Variants in USP34 observed in about 807,000 individuals in gnomAD.
USP34 encodes ubiquitin specific peptidase 34.
A neutral mutation model predicts 460.3 loss-of-function variants in USP34; 70 were observed. The observed-to-expected ratio is 0.15, with a 90% CI of 0.13 to 0.19. The LOEUF is 0.19. USP34 is among the 10% of genes least tolerant of loss of function. The pLI is 1.00. For missense variants in USP34, 3,985 were observed against 4,236.2 expected (o/e 0.94, Z 1.65); for synonymous variants, 1,647 against 1,405.3 (o/e 1.17, Z -3.85).
chr2:61,203,052 G>A (rs1687020341), intron 75 of USP34, 88 bp downstream of exon 75: 1 of 1,305,838 alleles, frequency 7.7e-7, no homozygotes, highest in Non-Finnish European at 1.0e-6. Flanking sequence ...AAGAAAAAAA[G>A]GATTGTCTCA....
At chr2:61,325,173 A>G (rs572364221) in intron 21 of USP34, among the ~76,000 whole-genome samples, 2 of 152,234 alleles carry the variant, frequency 1.3e-5, no homozygotes, top group Admixed American at 6.5e-5. Context: ...TAATGGGTAC[A>G]CAAGAAGCCC....
At chr2:61,283,491 A>T (rs781608493) in intron 35 of USP34, 42 bp from the exon 36 acceptor site, 23 of 1,568,100 alleles carry the variant, frequency 1.5e-5, no homozygotes, top group Admixed American at 2.0e-5. Context: ...AAATTCAGCA[A>T]TGAATTAAAA....
chr2:61,273,088 A>G (rs1376483455), intron 41 of USP34, among the ~76,000 whole-genome samples: 3 of 152,228 alleles, frequency 2.0e-5, no homozygotes, highest in Non-Finnish European at 4.4e-5. Context: ...GTTAAAAAAC[A>G]TAAGCAATGA....
At chr2:61,352,680 T>TA (rs35329949) in intron 10 of USP34, among the ~76,000 whole-genome samples, 69 of 141,672 alleles carry the variant, frequency 4.9e-4, no homozygotes, top group African/African-American at 9.2e-4. Flanking sequence ...TAACTGAGAT[T>TA]AAAAAAAAAA....
chr2:61,428,179 A>C (rs1282021512), intron 1 of USP34, among the ~76,000 whole-genome samples: 1 of 151,756 alleles, frequency 6.6e-6, no homozygotes, highest in East Asian at 1.9e-4. Flanking sequence ...AAAAAAAAAA[A>C]AACTTCCAAA....
Position 61,435,884 on chromosome 2 carries a change from C to T in USP34, c.44-15051G>A, listed in dbSNP as rs375553403. Among the ~76,000 whole-genome samples the T allele has an allele frequency of 6.6e-4, 101 of 151,980 alleles. 1 individual carries two copies. Among genetic ancestry groups the T allele is most frequent in the African/African-American group, 2.0e-3 (83 of 41,426 alleles). On this transcript the variant is annotated intron_variant, in intron 1 of 79. Transcript: ENST00000398571. Reference sequence around the variant, plus strand: ...TCTCTACTAAAATACAAAAATGAGCCGGGCATGGTGGAGTGCGCCTGTAAT... The same window carrying T: ...TCTCTACTAAAATACAAAAATGAGCTGGGCATGGTGGAGTGCGCCTGTAAT...
chr2:61,341,030 G>A (rs976432901), intron 16 of USP34, among the ~76,000 whole-genome samples: 3 of 152,122 alleles, frequency 2.0e-5, no homozygotes, highest in African/African-American at 7.2e-5. Flanking sequence ...TGATTGAGGA[G>A]CTTTCTTTCC....
chr2:61,422,934 A>G (rs1194936363), intron 1 of USP34, among the ~76,000 whole-genome samples: 1 of 152,214 alleles, frequency 6.6e-6, no homozygotes, highest in Non-Finnish European at 1.5e-5. Flanking sequence ...TGGAAGGTTA[A>G]GGCTGAAGTG....
At chr2:61,391,934 A>C (rs1255367005) in intron 5 of USP34, among the ~76,000 whole-genome samples, 1 of 152,202 alleles carries the variant, frequency 6.6e-6, no homozygotes, top group Non-Finnish European at 1.5e-5. Flanking sequence ...CAGATTATAT[A>C]GTATTATAGT....
intron 41 of USP34, among the ~76,000 whole-genome samples, chr2:61,268,724 A>G (rs1572887308): frequency 6.6e-6 from 1 of 152,264 alleles, no homozygotes; most frequent in East Asian, 1.9e-4. Context: ...AACATTATGT[A>G]AATAAGGTTT....
rs1248175339 is a variant in USP34, at chr2:61,257,356, A to G, written c.5845-6T>C. On this transcript the variant is annotated splice_region_variant and splice_polypyrimidine_tract_variant and intron_variant, in intron 44 of 79. Transcript: ENST00000398571. ...TATGCTTTGCATTCACTCTCCTGCA[A>G]ATAAAAAGGGGAACATTCTAAGTGT... 1 of 1,563,686 alleles carries G rather than the reference A, an allele frequency of 6.4e-7. No homozygotes were observed. The highest frequency in any genetic ancestry group is 1.9e-5 in the Admixed American group (1 of 51,550).
intron 1 of USP34, among the ~76,000 whole-genome samples, chr2:61,426,235 T>C (rs939593701): frequency 5.3e-5 from 8 of 152,072 alleles, no homozygotes; most frequent in African/African-American, 1.2e-4. Flanking sequence ...AAAGAGAACT[T>C]TGTCTTACAG....
intron 5 of USP34, among the ~76,000 whole-genome samples, chr2:61,393,855 G>A (rs1312189903): frequency 5.3e-5 from 8 of 151,788 alleles, no homozygotes; most frequent in Non-Finnish European, 7.4e-5. Flanking sequence ...CTTTCTTTCC[G>A]GGCCGGGCAC....
At chr2:61,312,397 A>G (rs1690620784) in intron 25 of USP34, among the ~76,000 whole-genome samples, 1 of 152,072 alleles carries the variant, frequency 6.6e-6, no homozygotes, top group Admixed American at 6.6e-5. Context: ...TTATAAAGTG[A>G]ATTACAAAGA....
At chr2:61,386,436 A>G (rs1693146932) in intron 5 of USP34, among the ~76,000 whole-genome samples, 1 of 152,176 alleles carries the variant, frequency 6.6e-6, no homozygotes, top group Non-Finnish European at 1.5e-5. Context: ...CAAAATATGA[A>G]AGGTAAAGCA....
chr2:61,295,031 C>T lies in USP34; in HGVS notation c.4379G>A (p.Gly1460Glu). ...ATCTGGATAAAGATCACTGTAACTTCCCTATGAGAAAGGCAAAAAAAGTAA... is the reference window on the plus strand; with the variant it reads ...ATCTGGATAAAGATCACTGTAACTTTCCTATGAGAAAGGCAAAAAAAGTAA... ...PNRRIRREST[G>E]SYSDLYPDSD... The change falls in exon 32 of 80, where the codon GGA (glycine) becomes GAA (glutamate). Residue 1460 changes from glycine to glutamate, a missense_variant and splice_region_variant. By Grantham distance (98) the Gly-to-Glu change is moderately conservative. Around this residue, in one of 14 missense-constraint regions of USP34, gnomAD observed 1,114 missense variants for 1,122.5 expected, o/e 0.99. Coordinates refer to ENST00000398571, the MANE Select transcript of USP34 (RefSeq NM_014709.4). 2 of 1,610,310 alleles carry T rather than the reference C, an allele frequency of 1.2e-6. No individual in the cohort carries two copies. The highest frequency in any genetic ancestry group is 2.2e-5 in the East Asian group (1 of 44,744).
At chr2:61,279,898 C>T (rs904023255) in intron 39 of USP34, among the ~76,000 whole-genome samples, 2 of 152,100 alleles carry the variant, frequency 1.3e-5, no homozygotes, top group African/African-American at 2.4e-5. Flanking sequence ...TTTTATTTTA[C>T]GTATTTGGGA....
intron 10 of USP34, among the ~76,000 whole-genome samples, chr2:61,366,837 C>T (rs1354472514): frequency 2.0e-5 from 3 of 152,116 alleles, no homozygotes; most frequent in Non-Finnish European, 4.4e-5. Context: ...CGCTTGAGCT[C>T]AGGAGTTCGA....
chr2:61,448,024 A>C (rs1695168783), intron 1 of USP34, among the ~76,000 whole-genome samples: 1 of 152,234 alleles, frequency 6.6e-6, no homozygotes, highest in Non-Finnish European at 1.5e-5. Context: ...AAATTTAATA[A>C]AATTGAACAT....
Sources: gnomAD v4.1 joint callset for allele counts (sites outside exome capture counted in the v4.1 genomes callset) on GRCh38, gnomAD v4.1.1 for gene constraint, gnomAD v4.1.1 regional missense constraint, MANE v1.5 for transcripts, NCBI Gene and HGNC (gene_info 2026-07-23, HGNC 2026-07-21) for gene names.